SLC12A5: variants seen among roughly 807,000 people sequenced by gnomAD.
The protein encoded by SLC12A5 is solute carrier family 12 member 5, also known as K-Cl cotransporter 2.
Under a neutral mutation model 124.0 loss-of-function variants are expected in SLC12A5, and 18 were observed. That is an observed-to-expected ratio of 0.15 (90% CI 0.10 to 0.22). The LOEUF (loss-of-function observed/expected upper bound fraction) is 0.22, where lower values mean the gene tolerates loss of function less well. Among genes scored for constraint, SLC12A5 ranks in the 10% least tolerant of loss-of-function variants. SLC12A5 has a pLI of 1.00. For synonymous variants in SLC12A5, 589 were observed against 568.0 expected (o/e 1.04, Z -0.53); for missense variants, 867 against 1,478.7 (o/e 0.59, Z 6.78).
upstream of SLC12A5, among the ~76,000 whole-genome samples, chr20:46,025,893 G>C (rs1052951948): frequency 6.6e-6 from 1 of 152,170 alleles, no homozygotes; most frequent in Non-Finnish European, 1.5e-5. Context: ...GGTTGTGGGG[G>C]TAATGCAGTG....
rs1294354408 is a variant in SLC12A5, at chr20:46,035,655, G to T, written c.279+120G>T. The T allele has an allele frequency of 4.6e-6, 7 of 1,509,338 alleles. No homozygotes were observed. In the South Asian group the frequency reaches 5.2e-5, roughly 11 times the overall value. The allele number at this position is 1,509,338 out of a possible 1,614,324, so 93.5% of individuals were successfully genotyped here. A position where few individuals can be genotyped will look rare whatever the true frequency, so the allele number is the denominator to read the frequency against. On this transcript the variant is annotated intron_variant, in intron 3 of 25. Transcript: ENST00000243964. ...AAGGGGATACAAATCAGAAAGAAGA[G>T]GGATGAAGGGTTGAGAATAGAGAGA...
At chr20:46,046,055 TGCAGCC>T in intron 13 of SLC12A5, 59 bp downstream of exon 13, 1 of 1,515,956 alleles carries the variant, frequency 6.6e-7, no homozygotes, top group Non-Finnish European at 9.1e-7. Flanking sequence ...ATCTGAATCC[TGCAGCC>T]GTTACCTGTG....
chr20:46,040,812 G>A lies in SLC12A5; in HGVS notation c.854+198G>A, dbSNP rs183278170. On this transcript the variant is annotated intron_variant, in intron 7 of 25. Transcript: ENST00000243964. ...AGTGAGGTAACTTTTCTGGAGGAGG[G>A]AACAATTTACCTTGTAAGAGTCAAC... is the stretch of plus-strand genomic sequence containing the variant. 10 of 780,840 alleles carry A rather than the reference G, an allele frequency of 1.3e-5. No homozygotes were observed. In the East Asian group the frequency reaches 2.2e-4, roughly 17 times the overall value. The allele number at this position is 780,840 out of a possible 1,614,324, so 48.4% of individuals were successfully genotyped here.
At chr20:46,025,953 C>T (rs1302151916), upstream of SLC12A5, among the ~76,000 whole-genome samples, 1 of 152,144 alleles carries the variant, frequency 6.6e-6, no homozygotes, top group Non-Finnish European at 1.5e-5. Flanking sequence ...GCTATGCCTG[C>T]CTCCTGTGAA....
chr20:46,046,496 A>C, intron 14 of SLC12A5, 60 bp downstream of exon 14: 4 of 1,460,524 alleles, frequency 2.7e-6, no homozygotes, highest in Non-Finnish European at 3.8e-6. Context: ...GCCAATCCTC[A>C]TCTTACTCCA....
chr20:46,025,931 A>G (rs1169612595), upstream of SLC12A5, among the ~76,000 whole-genome samples: 2 of 152,156 alleles, frequency 1.3e-5, no homozygotes. Context: ...GGATTGAGCC[A>G]TAAGGAGGAA....
chr20:46,044,248 T>C (rs1327493427), intron 11 of SLC12A5, among the ~76,000 whole-genome samples: 2 of 152,194 alleles, frequency 1.3e-5, no homozygotes, highest in East Asian at 3.9e-4. Context: ...GTGGTATTTA[T>C]CTGTGTTCCC....
At chr20:46,047,074 G>T (rs1463513503) in intron 14 of SLC12A5, among the ~76,000 whole-genome samples, 1 of 152,224 alleles carries the variant, frequency 6.6e-6, no homozygotes, top group Non-Finnish European at 1.5e-5. Context: ...AACCAGGGCT[G>T]CCCACTCCTG....
Position 46,059,196 on chromosome 20 carries a change from C to T in SLC12A5, c.*1591C>T. The T allele has an allele frequency of 4.4e-6, 1 of 227,148 alleles. No individual in the cohort carries two copies. Among genetic ancestry groups the T allele is most frequent in the East Asian group, 8.8e-5 (1 of 11,352 alleles). 14.1% of individuals were successfully genotyped at this position (227,148 alleles called of 1,614,324 possible). Reference sequence around the variant, plus strand: ...AGTACCTCCAGCCCCAGGGCCCTGACCTGCGCACCTAGCTTGACATCTCAC... The same window carrying T: ...AGTACCTCCAGCCCCAGGGCCCTGATCTGCGCACCTAGCTTGACATCTCAC... On this transcript the variant is annotated 3_prime_UTR_variant, in exon 26 of 26. Transcript: ENST00000243964.
intron 11 of SLC12A5, among the ~76,000 whole-genome samples, chr20:46,044,251 G>A (rs1476564394): frequency 6.6e-6 from 1 of 152,056 alleles, no homozygotes; most frequent in African/African-American, 2.4e-5. Flanking sequence ...GTATTTATCT[G>A]TGTTCCCTCC....
Position 46,056,457 on chromosome 20 carries a change from G to C in SLC12A5, c.3003G>C (p.Pro1001=). 1.9e-6 allele frequency: 3 copies of C among 1,614,160 alleles called. No homozygotes were observed. The highest frequency in any genetic ancestry group is 1.7e-6 in the Non-Finnish European group (2 of 1,180,006). The change falls in exon 23 of 26, where the codon CCG becomes CCC. Residue 1001 remains proline, a synonymous_variant. Coordinates refer to ENST00000243964, the MANE Select transcript of SLC12A5 (RefSeq NM_020708.5). The surrounding 1 kb of genome is among the most constrained non-coding windows in gnomAD (Gnocchi z 4.3). ...EEPEGEGETD[P]EKVHLTWTKD... ...CTGAGGGGGAAGGGGAGACAGATCC[G>C]GAGAAGGTGCATCTCACCTGGACCA...
intron 2 of SLC12A5, 62 bp downstream of exon 2, chr20:46,035,104 C>G: frequency 1.3e-6 from 2 of 1,526,736 alleles, no homozygotes; most frequent in South Asian, 1.1e-5. Context: ...ATCAGCTGCT[C>G]TCTCCCTCCC....
chr20:46,037,585 C>T (rs1026918849), intron 6 of SLC12A5, among the ~76,000 whole-genome samples, 200 bp downstream of exon 6: 10 of 152,198 alleles, frequency 6.6e-5, no homozygotes, highest in Non-Finnish European at 1.2e-4. Flanking sequence ...GTAACATACA[C>T]AGCTGTCGTT....
Position 46,047,312 on chromosome 20 carries a change from G to A in SLC12A5, c.1788-142G>A, listed in dbSNP as rs556833380. On this transcript the variant is annotated intron_variant, in intron 14 of 25. Coordinates refer to ENST00000243964, the MANE Select transcript of SLC12A5 (RefSeq NM_020708.5). ...ATATCCCCGTAGTCCTCATGGGGAT[G>A]ATGGTGTGAGTTCCCCTAGACCGGG... 162 of 1,041,156 alleles carry A rather than the reference G, an allele frequency of 1.6e-4. 1 individual carries two copies. In the Middle Eastern group the frequency reaches 1.8e-3, roughly 12 times the overall value. The allele number at this position is 1,041,156 out of a possible 1,614,324, so 64.5% of individuals were successfully genotyped here. A position where few individuals can be genotyped will look rare whatever the true frequency, so the allele number is the denominator to read the frequency against.
intron 8 of SLC12A5, 119 bp from the exon 9 acceptor site, chr20:46,043,030 AGGCC>A: frequency 1.1e-6 from 1 of 936,830 alleles, no homozygotes. Flanking sequence ...AATAGAGATA[AGGCC>A]GGGGAGAGTG....
In SLC12A5 at chr20:46,040,481, A is replaced by G; in HGVS notation, c.721A>G (p.Met241Val). ...TTACGGCACCTGTGTGCTCACCTGC[A>G]TGGCCACTGTGGTGTTTGTGGGTGT... ...RVYGTCVLTC[M>V]ATVVFVGVKY... The change falls in exon 7 of 26, where the codon ATG becomes GTG. Residue 241 changes from methionine to valine, a missense_variant. Met to Val is a conservative substitution (Grantham distance 21). Transcript: ENST00000243964. The G allele has an allele frequency of 6.2e-7, 1 of 1,614,242 alleles. No individual in the cohort carries two copies. Among genetic ancestry groups the G allele is most frequent in the Non-Finnish European group, 8.5e-7 (1 of 1,180,046 alleles).
At chr20:46,035,685 G>C in intron 3 of SLC12A5, 92 bp from the exon 4 acceptor site, 1 of 1,520,430 alleles carries the variant, frequency 6.6e-7, no homozygotes, top group Non-Finnish European at 8.9e-7. Context: ...GAGAGAAGAG[G>C]AAGGTGGGGG....
chr20:46,056,859 TTTTC>T lies in SLC12A5; in HGVS notation c.3111-32_3111-29del. On this transcript the variant is annotated intron_variant, in intron 23 of 25. Coordinates refer to ENST00000243964, the MANE Select transcript of SLC12A5 (RefSeq NM_020708.5). The surrounding 1 kb of genome is among the most constrained non-coding windows in gnomAD (Gnocchi z 4.3). ...CTTCCTCTTTTTCTGACTCTGCTCT[TTTTC>T]TTTCTCTCTTTGCATCTCTTGTGTT... is the stretch of plus-strand genomic sequence containing the variant. The T allele has an allele frequency of 1.9e-6, 3 of 1,607,306 alleles. No individual in the cohort carries two copies. The highest frequency in any genetic ancestry group is 2.6e-6 in the Non-Finnish European group (3 of 1,174,048).
intron 15 of SLC12A5, 53 bp from the exon 16 acceptor site, chr20:46,047,928 C>G: frequency 6.6e-7 from 1 of 1,515,472 alleles, no homozygotes; most frequent in African/African-American, 1.4e-5. Context: ...AGATGGTTCT[C>G]CCTGCCCCCT....
Sources: gnomAD v4.1 joint callset for allele counts (sites outside exome capture counted in the v4.1 genomes callset) on GRCh38, gnomAD v4.1.1 for gene constraint, Gnocchi (gnomAD v3.1) non-coding constraint, MANE v1.5 for transcripts, NCBI Gene and HGNC (gene_info 2026-07-23, HGNC 2026-07-21) for gene names.